Variants in GFRA1 observed in about 807,000 individuals in gnomAD.
GFRA1 encodes the protein GDNF family receptor alpha 1.
Under a neutral mutation model 51.6 loss-of-function variants are expected in GFRA1, and 16 were observed. That is an observed-to-expected ratio of 0.31 (90% CI 0.21 to 0.47). GFRA1 has a LOEUF of 0.47. Ranked by LOEUF, GFRA1 falls within the 20% of genes least tolerant of loss-of-function variation. The pLI, the probability that GFRA1 is intolerant of heterozygous loss-of-function variation, is 1.00. For missense variants in GFRA1, 530 were observed against 594.3 expected (o/e 0.89, Z 1.13); for synonymous variants, 270 against 241.3 (o/e 1.12, Z -1.10).
intron 5 of GFRA1, among the ~76,000 whole-genome samples, chr10:116,150,222 C>A (rs181506295): frequency 9.5e-4 from 145 of 152,316 alleles, no homozygotes; most frequent in Middle Eastern, 3.4e-3. Flanking sequence ...ACCCTCCAAG[C>A]CATCCCAATA....
At chr10:116,245,627 AC>A (rs1261834787) in intron 4 of GFRA1, among the ~76,000 whole-genome samples, 5 of 152,242 alleles carry the variant, frequency 3.3e-5, no homozygotes, top group Non-Finnish European at 7.3e-5. Context: ...AAAACGAAAC[AC>A]AAATGTTTAT....
intron 4 of GFRA1, among the ~76,000 whole-genome samples, chr10:116,251,754 A>C (rs1329042506): frequency 6.6e-6 from 1 of 152,112 alleles, no homozygotes; most frequent in Non-Finnish European, 1.5e-5. Context: ...AAATGGTGCC[A>C]GGCCCAGAGT....
chr10:116,193,155 A>C (rs575217977), intron 5 of GFRA1, among the ~76,000 whole-genome samples: 5 of 152,248 alleles, frequency 3.3e-5, no homozygotes, highest in African/African-American at 1.2e-4. Context: ...CAAAATAAAA[A>C]TAGATTTTTT....
At chr10:116,247,657 G>A (rs899577808) in intron 4 of GFRA1, among the ~76,000 whole-genome samples, 3 of 152,122 alleles carry the variant, frequency 2.0e-5, no homozygotes, top group African/African-American at 4.8e-5. Context: ...CTCTTTCTGA[G>A]ACTTCACAAG....
chr10:116,168,274 C>A (rs1172294410), intron 5 of GFRA1, among the ~76,000 whole-genome samples: 1 of 151,884 alleles, frequency 6.6e-6, no homozygotes, highest in East Asian at 1.9e-4. Context: ...ACAGACAAAG[C>A]AGAAATGTCT....
chr10:116,164,617 C>A (rs1040958985), intron 5 of GFRA1, among the ~76,000 whole-genome samples: 3 of 152,172 alleles, frequency 2.0e-5, no homozygotes, highest in African/African-American at 7.2e-5. Context: ...AGTGTTGGGT[C>A]TTTTAATGCC....
chr10:116,172,996 C>T (rs1371275728), intron 5 of GFRA1, among the ~76,000 whole-genome samples: 3 of 152,136 alleles, frequency 2.0e-5, no homozygotes, highest in African/African-American at 4.8e-5. Context: ...GGGCTTCGAG[C>T]GGAGGTCTGC....
At chr10:116,240,162 G>T (rs1462490160) in intron 4 of GFRA1, among the ~76,000 whole-genome samples, 2 of 152,098 alleles carry the variant, frequency 1.3e-5, no homozygotes, top group Non-Finnish European at 2.9e-5. Flanking sequence ...TTAGGTAGCA[G>T]CTGGTATAAT....
chr10:116,182,970 T>G (rs1312146139), intron 5 of GFRA1, among the ~76,000 whole-genome samples: 5 of 152,216 alleles, frequency 3.3e-5, no homozygotes, highest in Non-Finnish European at 7.3e-5. Context: ...TGGCACAGTG[T>G]AACTGACCTT....
chr10:116,240,951 C>T (rs573940361), intron 4 of GFRA1, among the ~76,000 whole-genome samples: 10 of 152,104 alleles, frequency 6.6e-5, no homozygotes, highest in African/African-American at 9.7e-5. Flanking sequence ...CTGAGGCTTG[C>T]GAGGTTACCC....
chr10:116,098,034 T>C (rs907835647), intron 6 of GFRA1, among the ~76,000 whole-genome samples: 6 of 152,212 alleles, frequency 3.9e-5, no homozygotes, highest in Admixed American at 2.0e-4. Flanking sequence ...TTGTGTGGGG[T>C]TCTCTCCTTG....
At chr10:116,092,198 C>T (rs912380240) in intron 8 of GFRA1, among the ~76,000 whole-genome samples, 1 of 151,764 alleles carries the variant, frequency 6.6e-6, no homozygotes, top group African/African-American at 2.4e-5. Context: ...GCCCCAATGT[C>T]GTAGTGAAGG....
At chr10:116,106,212 G>A (rs960062369) in intron 6 of GFRA1, among the ~76,000 whole-genome samples, 2 of 152,180 alleles carry the variant, frequency 1.3e-5, no homozygotes, top group Non-Finnish European at 2.9e-5. Context: ...AGTGAGACCC[G>A]AGTCAGACTT....
intron 9 of GFRA1, among the ~76,000 whole-genome samples, chr10:116,073,290 C>G (rs1324208380): frequency 6.6e-6 from 1 of 152,156 alleles, no homozygotes; most frequent in Admixed American, 6.5e-5. Flanking sequence ...CACAGGGTGC[C>G]CTGGCTGGGC....
chr10:116,235,901 G>GCA (rs955710276), intron 4 of GFRA1, among the ~76,000 whole-genome samples: 1 of 152,074 alleles, frequency 6.6e-6, no homozygotes, highest in Admixed American at 6.6e-5. Context: ...CGCCTTGCTG[G>GCA]CACACTGATC....
chr10:116,099,935 A>T (rs1383506623), intron 6 of GFRA1, among the ~76,000 whole-genome samples: 1 of 152,228 alleles, frequency 6.6e-6, no homozygotes, highest in East Asian at 1.9e-4. Flanking sequence ...TTATTTTATT[A>T]TCCTAATTCT....
Position 116,083,861 on chromosome 10 carries a change from G to A in GFRA1, c.1197+5880C>T, listed in dbSNP as rs138748148. 6.2e-3 allele frequency among the ~76,000 whole-genome samples: 937 copies of A among 152,252 alleles called. 13 individuals carry two copies. The highest frequency in any genetic ancestry group is 0.022 in the African/African-American group (904 of 41,550). ...TTATTTTCAATATTCAAATGCAGAA[G>A]ATGTAGGAGTTAAACAGATTAGGTC... On this transcript the variant is annotated intron_variant, in intron 9 of 10. Transcript: ENST00000355422.
At chr10:116,109,760 C>T (rs772063124) in intron 6 of GFRA1, among the ~76,000 whole-genome samples, 3 of 152,174 alleles carry the variant, frequency 2.0e-5, no homozygotes, top group Admixed American at 6.5e-5. Flanking sequence ...CTGGCCGGGA[C>T]GACCATCATG....
intron 4 of GFRA1, among the ~76,000 whole-genome samples, chr10:116,212,573 TA>T (rs1339910235): frequency 6.8e-6 from 1 of 146,256 alleles, no homozygotes; most frequent in Non-Finnish European, 1.5e-5. Context: ...CACATCTAGT[TA>T]AAAAAATAAA....
Sources: allele counts gnomAD v4.1 joint callset (sites outside exome capture counted in the v4.1 genomes callset), GRCh38; gene constraint gnomAD v4.1.1; transcripts MANE v1.5; gene names NCBI Gene and HGNC (gene_info 2026-07-23, HGNC 2026-07-21).